Variants in DMD observed in about 807,000 individuals in gnomAD.
The protein encoded by DMD is dystrophin.
A neutral mutation model predicts 330.1 loss-of-function variants in DMD; 63 were observed. The ratio of observed to expected loss-of-function variants is 0.19; its 90% confidence interval spans 0.16 to 0.24. DMD has a LOEUF of 0.24. DMD is among the 10% of genes least tolerant of loss of function. The probability of loss-of-function intolerance (pLI) is 1.00; values close to 1 mark genes in which losing one functional copy is unlikely to be tolerated. For synonymous variants in DMD, 1,223 were observed against 959.8 expected, an observed-to-expected ratio of 1.27 and a Z score of -5.07; for missense variants, 3,344 against 2,684.1, an observed-to-expected ratio of 1.25 and a Z score of -5.43.
At chrX:32,333,497 G>A (rs1453932463) in intron 41 of DMD, among the ~76,000 whole-genome samples, 1 of 111,313 alleles carries the variant, frequency 9.0e-6, no homozygotes, top group Non-Finnish European at 1.9e-5. Flanking sequence ...AAATACAGCA[G>A]TATTTAAAAT....
In DMD at chrX:31,120,892, C is replaced by T. The variant is rs955820648; in HGVS notation, c.*1027G>A. The stretch of plus-strand genomic sequence containing the variant: ...ATCAATCAATCAATCAATCAACCAA[C>T]CAACCGATTACTCACTCTGATATAA... On this transcript the variant is annotated 3_prime_UTR_variant, in exon 79 of 79. Transcript: ENST00000357033. 9.0e-6 allele frequency: 1 copy of T among 110,825 alleles called. No individual in the cohort carries two copies. Among genetic ancestry groups the T allele is most frequent in the African/African-American group, 3.4e-5 (1 of 29,717 alleles). 9.1% of individuals were successfully genotyped at this position (110,825 alleles called of 1,213,427 possible). A position where few individuals can be genotyped will look rare whatever the true frequency, so the allele number is the denominator to read the frequency against.
At chrX:31,850,211 T>A (rs768308531) in intron 48 of DMD, among the ~76,000 whole-genome samples, 3 of 111,558 alleles carry the variant, frequency 2.7e-5, no homozygotes, top group Non-Finnish European at 5.6e-5. Context: ...ATCTAATCTA[T>A]CATTGATGAT....
intron 51 of DMD, among the ~76,000 whole-genome samples, chrX:31,768,282 G>A: frequency 9.0e-6 from 1 of 111,035 alleles, no homozygotes; most frequent in Admixed American, 9.6e-5. Context: ...AGTCTCCACT[G>A]CTGGGAACCT....
chrX:31,620,396 T>C (rs962705903), intron 55 of DMD, among the ~76,000 whole-genome samples: 4 of 110,246 alleles, frequency 3.6e-5, no homozygotes, highest in Admixed American at 1.9e-4. Context: ...CAAAGACTTT[T>C]ACTTTTTCCA....
At chrX:32,633,441 T>C (rs1421841587) in intron 11 of DMD, among the ~76,000 whole-genome samples, 1 of 112,063 alleles carries the variant, frequency 8.9e-6, no homozygotes, top group African/African-American at 3.2e-5. Flanking sequence ...GTAACAATCA[T>C]TTAACCAGTC....
intron 55 of DMD, among the ~76,000 whole-genome samples, chrX:31,554,551 AGGCAGT>A (rs2074687957): frequency 8.9e-6 from 1 of 111,817 alleles, no homozygotes. Context: ...GAAGCAGGCC[AGGCAGT>A]GGCCCTATGT....
intron 44 of DMD, among the ~76,000 whole-genome samples, chrX:32,104,420 C>T (rs2096554634): frequency 9.0e-6 from 1 of 111,012 alleles, no homozygotes; most frequent in African/African-American, 3.3e-5. Flanking sequence ...GAAGAAGCTG[C>T]CAGGACTGGA....
intron 55 of DMD, among the ~76,000 whole-genome samples, chrX:31,594,838 A>G (rs892686120): frequency 9.0e-6 from 1 of 111,063 alleles, no homozygotes; most frequent in African/African-American, 3.3e-5. Context: ...GGGAAGTTTC[A>G]CCTTTCCTGA....
At chrX:33,109,331 A>G (rs1254715778) in intron 1 of DMD, among the ~76,000 whole-genome samples, 1 of 111,988 alleles carries the variant, frequency 8.9e-6, no homozygotes, top group Non-Finnish European at 1.9e-5. Context: ...GAATGCAAGC[A>G]AAATTGTCTT....
chrX:31,693,932 C>T (rs747471161), intron 52 of DMD, among the ~76,000 whole-genome samples: 2 of 111,217 alleles, frequency 1.8e-5, no homozygotes, highest in Admixed American at 1.9e-4. Flanking sequence ...TTGCATGGAA[C>T]CACAAAAGAC....
intron 41 of DMD, among the ~76,000 whole-genome samples, chrX:32,331,025 C>A (rs1014878855): frequency 6.3e-5 from 7 of 111,567 alleles, no homozygotes; most frequent in Admixed American, 2.9e-4. Flanking sequence ...ATGCTGGAAC[C>A]CTGTCCCCTA....
chrX:31,837,201 C>A (rs1332467400), intron 48 of DMD, among the ~76,000 whole-genome samples: 1 of 111,859 alleles, frequency 8.9e-6, no homozygotes, highest in Non-Finnish European at 1.9e-5. Context: ...TATTGTTTTA[C>A]AAAATTCTGT....
At chrX:32,969,666 C>T (rs2092315712) in intron 2 of DMD, among the ~76,000 whole-genome samples, 1 of 94,522 alleles carries the variant, frequency 1.1e-5, no homozygotes, top group African/African-American at 4.8e-5. Context: ...TAAACTAGAA[C>T]ACATATGCAC....
chrX:32,642,156 T>A (rs2059508347), intron 11 of DMD, among the ~76,000 whole-genome samples: 1 of 111,915 alleles, frequency 8.9e-6, no homozygotes, highest in Non-Finnish European at 1.9e-5. Flanking sequence ...ACATACATAG[T>A]CAAAGTGGCA....
At chrX:32,205,005 T>TA (rs2097058779) in intron 44 of DMD, among the ~76,000 whole-genome samples, 2 of 29,228 alleles carry the variant, frequency 6.8e-5, no homozygotes, top group Admixed American at 4.4e-4. Context: ...TCTCTCTCTC[T>TA]CACATACACA....
At chrX:32,137,699 T>G (rs5972497) in intron 44 of DMD, among the ~76,000 whole-genome samples, 5,630 of 109,892 alleles carry the variant, frequency 0.051, 252 homozygotes, top group African/African-American at 0.14. Flanking sequence ...AAAAGCAAAG[T>G]TTTTGATTTC....
intron 45 of DMD, among the ~76,000 whole-genome samples, chrX:31,937,410 A>G (rs1231551327): frequency 9.0e-6 from 1 of 111,436 alleles, no homozygotes; most frequent in Non-Finnish European, 1.9e-5. Flanking sequence ...TTTTTACACG[A>G]TATTTGTGGA....
At chrX:31,429,147 C>T (rs1196155178) in intron 60 of DMD, among the ~76,000 whole-genome samples, 11 of 109,827 alleles carry the variant, frequency 1.0e-4, no homozygotes, top group African/African-American at 3.3e-4. Context: ...GTATATTACA[C>T]ATGTTAATCC....
At chrX:32,281,450 G>C (rs1241684263) in intron 43 of DMD, among the ~76,000 whole-genome samples, 1 of 111,642 alleles carries the variant, frequency 9.0e-6, no homozygotes, top group African/African-American at 3.3e-5. Flanking sequence ...GTTCAGTCCA[G>C]CATTCACACA....
Sources: gnomAD v4.1 joint callset for allele counts (sites outside exome capture counted in the v4.1 genomes callset) on GRCh38, gnomAD v4.1.1 for gene constraint, MANE v1.5 for transcripts, NCBI Gene and HGNC (gene_info 2026-07-23, HGNC 2026-07-21) for gene names.